The following GCNT2 variants were observed in gnomAD, a reference collection of about 807,000 sequenced individuals.
GCNT2 encodes glucosaminyl (N-acetyl) transferase 2 (I blood group).
A neutral mutation model predicts 34.2 loss-of-function variants in GCNT2; 34 were observed. The ratio of observed to expected loss-of-function variants is 1.00; its 90% CI spans 0.76 to 1.32. The LOEUF (loss-of-function observed/expected upper bound fraction) is 1.32, where lower values mean the gene tolerates loss of function less well. Ranked by LOEUF, GCNT2 falls within the 40% of genes most tolerant of loss-of-function variation. The probability of loss-of-function intolerance (pLI) is 0.00; values close to 1 mark genes in which losing one functional copy is unlikely to be tolerated. For missense variants in GCNT2, 584 were observed against 489.4 expected, an observed-to-expected ratio of 1.19 and a Z score of -1.82; for synonymous variants, 212 against 188.0, an observed-to-expected ratio of 1.13 and a Z score of -1.04.
intron 3 of GCNT2, among the ~76,000 whole-genome samples, chr6:10,551,172 A>G (rs1762461502): frequency 6.6e-6 from 1 of 152,208 alleles, no homozygotes; most frequent in East Asian, 1.9e-4. Flanking sequence ...GACTGCCCCT[A>G]GCCACATGCG....
intron 1 of GCNT2, among the ~76,000 whole-genome samples, chr6:10,522,359 A>G (rs1263768161): frequency 3.9e-5 from 6 of 152,232 alleles, no homozygotes; most frequent in African/African-American, 9.6e-5. Context: ...AGACAGGTCT[A>G]CTAAGTAAAT....
chr6:10,612,630 T>G (rs1478072993), intron 3 of GCNT2, among the ~76,000 whole-genome samples: 1 of 152,254 alleles, frequency 6.6e-6, no homozygotes, highest in Non-Finnish European at 1.5e-5. Flanking sequence ...TGGTTATGTA[T>G]GCCAGGCATT....
At chr6:10,567,577 C>T (rs887550987) in intron 3 of GCNT2, among the ~76,000 whole-genome samples, 4 of 152,188 alleles carry the variant, frequency 2.6e-5, no homozygotes, top group African/African-American at 7.2e-5. Flanking sequence ...ATTGACTCTG[C>T]AACCTCACCT....
intron 2 of GCNT2, among the ~76,000 whole-genome samples, chr6:10,528,109 A>G (rs1486700200): frequency 6.6e-6 from 1 of 152,184 alleles, no homozygotes. Flanking sequence ...GTTAGCCTTT[A>G]TTCATCCGAG....
intron 3 of GCNT2, among the ~76,000 whole-genome samples, chr6:10,580,695 CG>C: frequency 6.6e-6 from 1 of 152,194 alleles, no homozygotes; most frequent in East Asian, 1.9e-4. Context: ...AGGTCCGACT[CG>C]GGTTCCAGTC....
chr6:10,559,529 C>T (rs768795697), intron 3 of GCNT2, among the ~76,000 whole-genome samples: 43 of 152,212 alleles, frequency 2.8e-4, no homozygotes, highest in Non-Finnish European at 6.3e-4. Context: ...CTACACATAC[C>T]TTTCTTTGCA....
At chr6:10,563,777 A>AAAAATATATAT (rs1554130891) in intron 3 of GCNT2, among the ~76,000 whole-genome samples, 1 of 24,708 alleles carries the variant, frequency 4.0e-5, no homozygotes, top group Non-Finnish European at 7.6e-5. Flanking sequence ...AAAAAAAAAA[A>AAAAATATATAT]ATATATATAT....
chr6:10,572,694 A>G (rs1363604623), intron 3 of GCNT2, among the ~76,000 whole-genome samples: 2 of 152,200 alleles, frequency 1.3e-5, no homozygotes, highest in Admixed American at 1.3e-4. Context: ...AGATTGTGCC[A>G]CTGCACTCCA....
chr6:10,612,026 G>C (rs761208394), intron 3 of GCNT2, among the ~76,000 whole-genome samples: 18 of 151,580 alleles, frequency 1.2e-4, no homozygotes, highest in Non-Finnish European at 2.9e-5. Context: ...TCACTCTGTT[G>C]CCCAGGCTGA....
chr6:10,566,678 C>T (rs970118080), intron 3 of GCNT2, among the ~76,000 whole-genome samples: 10 of 152,248 alleles, frequency 6.6e-5, no homozygotes, highest in African/African-American at 2.4e-4. Flanking sequence ...GGGCCTATTT[C>T]TGTTTACACT....
chr6:10,585,162 T>A (rs76977458), intron 3 of GCNT2, among the ~76,000 whole-genome samples: 7,343 of 151,976 alleles, frequency 0.048, 608 homozygotes, highest in African/African-American at 0.17. Flanking sequence ...TTCTACTTAG[T>A]CATGTTACAA....
intron 3 of GCNT2, among the ~76,000 whole-genome samples, chr6:10,551,295 G>A (rs999677546): frequency 6.6e-6 from 1 of 151,878 alleles, no homozygotes; most frequent in Non-Finnish European, 1.5e-5. Flanking sequence ...ATCAAAATCA[G>A]GTGCAGATTA....
At chr6:10,582,392 A>G (rs1391773383) in intron 3 of GCNT2, among the ~76,000 whole-genome samples, 1 of 122,272 alleles carries the variant, frequency 8.2e-6, no homozygotes, top group Non-Finnish European at 1.6e-5. Context: ...TATTTATTAT[A>G]TACTATAATA....
rs548592334 is a variant in GCNT2, at chr6:10,564,539, C to T, written c.925+34703C>T. On this transcript the variant is annotated intron_variant, in intron 3 of 4. Transcript: ENST00000495262. ...CCTCCATCACCAGCCATGTATCCCC[C>T]GACATCTGTCAACCTTGGTCTTAGC... Among the ~76,000 whole-genome samples the T allele has an allele frequency of 1.5e-3, 236 of 152,294 alleles. 1 individual carries two copies. Among genetic ancestry groups the T allele is most frequent in the African/African-American group, 5.2e-3 (217 of 41,556 alleles).
chr6:10,625,259 A>G (rs1766208581), intron 4 of GCNT2, among the ~76,000 whole-genome samples: 1 of 152,162 alleles, frequency 6.6e-6, no homozygotes, highest in African/African-American at 2.4e-5. Flanking sequence ...GTACCTTGCA[A>G]AACACTTCAA....
chr6:10,530,516 G>T (rs915388190), intron 3 of GCNT2, among the ~76,000 whole-genome samples: 2 of 152,092 alleles, frequency 1.3e-5, no homozygotes, highest in Non-Finnish European at 1.5e-5. Context: ...CTTTTGAAAT[G>T]GGAGCAAGAT....
chr6:10,589,284 G>A (rs908987921), intron 3 of GCNT2, among the ~76,000 whole-genome samples: 1 of 148,918 alleles, frequency 6.7e-6, no homozygotes, highest in African/African-American at 2.5e-5. Flanking sequence ...TGTGTTTCTA[G>A]TGTGTGTGGT....
chr6:10,554,324 AT>A (rs1395953899), intron 3 of GCNT2, among the ~76,000 whole-genome samples: 1 of 152,176 alleles, frequency 6.6e-6, no homozygotes, highest in Non-Finnish European at 1.5e-5. Flanking sequence ...AATCGACTAT[AT>A]TTTTCAACAC....
chr6:10,616,674 G>A (rs1210644864), intron 3 of GCNT2, among the ~76,000 whole-genome samples: 10 of 152,106 alleles, frequency 6.6e-5, no homozygotes, highest in African/African-American at 2.4e-4. Flanking sequence ...ACAGAGTGCC[G>A]ATTGGTGCAC....
Sources: allele counts gnomAD v4.1 joint callset (sites outside exome capture counted in the v4.1 genomes callset), GRCh38; gene constraint gnomAD v4.1.1; transcripts MANE v1.5; gene names NCBI Gene and HGNC (gene_info 2026-07-23, HGNC 2026-07-21).